TXLNG: variants seen among roughly 807,000 people sequenced by gnomAD.
The protein encoded by TXLNG is gamma-taxilin.
Under a neutral mutation model 38.8 loss-of-function variants are expected in TXLNG, and 5 were observed. The observed-to-expected ratio is 0.13, with a 90% CI of 0.07 to 0.27. The LOEUF (loss-of-function observed/expected upper bound fraction) is 0.27. Among genes scored for constraint, TXLNG ranks in the 10% least tolerant of loss-of-function variants. TXLNG has a pLI of 1.00. For missense variants in TXLNG, 393 were observed against 398.2 expected (o/e 0.99, Z 0.11); for synonymous variants, 182 against 158.2 (o/e 1.15, Z -1.13).
At chrX:16,797,519 A>G (rs972781497) in intron 1 of TXLNG, among the ~76,000 whole-genome samples, 1 of 111,990 alleles carries the variant, frequency 8.9e-6, no homozygotes, top group African/African-American at 3.2e-5. Context: ...GCAGGATTCA[A>G]TTCCTCGTGG....
chrX:16,786,817 A>C (rs1602349579), intron 1 of TXLNG, among the ~76,000 whole-genome samples: 1 of 92,663 alleles, frequency 1.1e-5, no homozygotes, highest in Non-Finnish European at 2.1e-5. Context: ...GCGGCGGGGA[A>C]GCCGGGAGGG....
In TXLNG at chrX:16,829,908, C is replaced by T. The variant is rs774819468; in HGVS notation, c.864+138C>T. ...TGGCAGTCGGTTATTTATTAGGAAACGATCAGGCACCACAAATGAGATCAT... is the reference window on the plus strand; with the variant it reads ...TGGCAGTCGGTTATTTATTAGGAAATGATCAGGCACCACAAATGAGATCAT... On this transcript the variant is annotated intron_variant, in intron 5 of 9. Transcript: ENST00000380122. The T allele has an allele frequency of 5.7e-5, 31 of 542,159 alleles. No individual in the cohort carries two copies. In the South Asian group the frequency reaches 7.7e-4, roughly 14 times the overall value. 44.7% of individuals were successfully genotyped at this position (542,159 alleles called of 1,213,427 possible).
At chrX:16,838,438 C>T (rs1929679984) in intron 8 of TXLNG, among the ~76,000 whole-genome samples, 2 of 111,817 alleles carry the variant, frequency 1.8e-5, no homozygotes, top group Middle Eastern at 4.6e-3. Flanking sequence ...AGACCGTGCG[C>T]CCTGGGTTAA....
rs772079454 is a variant in TXLNG at position 16,834,328 on chromosome X, A to G, written c.1030A>G (p.Lys344Glu). The change falls in exon 7 of 10, where the codon AAA (lysine) becomes GAA (glutamate). Residue 344 changes from lysine to glutamate, a missense_variant. Transcript: ENST00000380122. The stretch of plus-strand genomic sequence containing the variant: ...ATCGAGGCACAAATACGAACAAATG[A>G]AACAGCAAGAAGTACAACTAAAACA... Reference protein sequence around the residue: ...TESRHKYEQMKQQEVQLKQQL... With the variant: ...TESRHKYEQMEQQEVQLKQQL... 6 of 1,209,444 alleles carry G rather than the reference A, an allele frequency of 5.0e-6. No individual in the cohort carries two copies. The highest frequency in any genetic ancestry group is 2.2e-5 in the Admixed American group (1 of 45,783).
intron 1 of TXLNG, among the ~76,000 whole-genome samples, chrX:16,788,461 C>T (rs760393689): frequency 2.3e-4 from 26 of 111,312 alleles, no homozygotes; most frequent in Non-Finnish European, 3.8e-4. Context: ...CTGACAGTGA[C>T]GGCATTCAAA....
At chrX:16,817,776 G>A (rs1312148780) in intron 1 of TXLNG, among the ~76,000 whole-genome samples, 1 of 112,603 alleles carries the variant, frequency 8.9e-6, no homozygotes. Context: ...GGCAGGGATA[G>A]CTGCTTAAAA....
intron 8 of TXLNG, chrX:16,839,237 G>A (rs1434368727): frequency 1.8e-5 from 2 of 111,869 alleles, no homozygotes; most frequent in African/African-American, 6.5e-5. Flanking sequence ...GATGACCAAA[G>A]CTGAGGTATT....
At chrX:16,805,676 T>C (rs1181359700) in intron 1 of TXLNG, among the ~76,000 whole-genome samples, 14 of 112,319 alleles carry the variant, frequency 1.2e-4, no homozygotes, top group African/African-American at 3.6e-4. Flanking sequence ...TGGGTCTGTG[T>C]GGTCTGTTTT....
chrX:16,835,150 T>C (rs1929546834), intron 7 of TXLNG, among the ~76,000 whole-genome samples: 1 of 110,916 alleles, frequency 9.0e-6, no homozygotes, highest in Non-Finnish European at 1.9e-5. Flanking sequence ...TTTCTACCTA[T>C]ACATTCATCC....
intron 1 of TXLNG, among the ~76,000 whole-genome samples, chrX:16,806,714 A>G (rs1202732464): frequency 9.0e-6 from 1 of 110,526 alleles, no homozygotes; most frequent in Non-Finnish European, 1.9e-5. Context: ...TCAGGAGATC[A>G]AGACGATCCT....
At chrX:16,831,461 TA>T (rs1929409802) in intron 5 of TXLNG, among the ~76,000 whole-genome samples, 1 of 112,806 alleles carries the variant, frequency 8.9e-6, no homozygotes, top group Non-Finnish European at 1.9e-5. Context: ...AGCTTCTTTT[TA>T]AAAGAGAAAT....
intron 9 of TXLNG, 69 bp downstream of exon 9, chrX:16,839,985 G>A (rs992341343): frequency 5.9e-5 from 50 of 845,162 alleles, no homozygotes; most frequent in Non-Finnish European, 7.7e-5. Context: ...GGTACCTATC[G>A]GGGCCGGGGA....
In TXLNG at chrX:16,829,597, C is replaced by G. The variant is rs141245275; in HGVS notation, c.691C>G (p.Arg231Gly). 1 of 1,208,811 alleles carries G rather than the reference C, an allele frequency of 8.3e-7. No homozygotes were observed. Among genetic ancestry groups the G allele is most frequent in the African/African-American group, 1.8e-5 (1 of 56,962 alleles). ...TLKEENMQQA[R>G]EEEERRKEAT... The stretch of plus-strand genomic sequence containing the variant: ...TAAGGAGGAAAATATGCAGCAGGCA[C>G]GAGAGGAAGAAGAACGACGTAAAGA... The change falls in exon 5 of 10, where the codon CGA becomes GGA. Residue 231 changes from arginine (R) to glycine (G), a missense_variant. Physicochemically the swap from Arg to Gly is moderately radical, Grantham distance 125. Coordinates refer to ENST00000380122, the MANE Select transcript of TXLNG (RefSeq NM_018360.3).
chrX:16,790,611 A>C (rs766066640), intron 1 of TXLNG, among the ~76,000 whole-genome samples: 3 of 112,132 alleles, frequency 2.7e-5, no homozygotes, highest in Non-Finnish European at 5.6e-5. Context: ...TTTAACTACT[A>C]TTAAACTAAT....
chrX:16,831,751 T>C (rs965399392), intron 5 of TXLNG, among the ~76,000 whole-genome samples: 1 of 112,147 alleles, frequency 8.9e-6, no homozygotes, highest in Non-Finnish European at 1.9e-5. Context: ...ATGTGTCTTA[T>C]GTTATGTTCT....
intron 9 of TXLNG, chrX:16,840,475 A>G (rs1275097525): frequency 4.0e-6 from 3 of 753,091 alleles, no homozygotes; most frequent in African/African-American, 2.3e-5. Flanking sequence ...GCACATGTGT[A>G]CAAGAACCTT....
At position 16,827,361 on chromosome X, in the gene TXLNG, T is replaced by C. The variant is rs1221773476; in HGVS notation, c.499-733T>C. Among the ~76,000 whole-genome samples the C allele has an allele frequency of 2.7e-5, 3 of 111,806 alleles. No individual in the cohort carries two copies. In the East Asian group the frequency reaches 8.4e-4, roughly 31 times the overall value. ...CAGCAATTCGGGACATGCCTGGCTT[T>C]AGCACTGAGTCACTCCTGGCCTTCA... On this transcript the variant is annotated intron_variant, in intron 3 of 9. Coordinates refer to ENST00000380122, the MANE Select transcript of TXLNG (RefSeq NM_018360.3).
chrX:16,822,113 T>C (rs1465601763), intron 3 of TXLNG, among the ~76,000 whole-genome samples: 16 of 106,503 alleles, frequency 1.5e-4, no homozygotes, highest in African/African-American at 3.4e-4. Context: ...CCGAGGTGGG[T>C]GGATCACGAG....
chrX:16,790,044 C>T (rs1393996453), intron 1 of TXLNG, among the ~76,000 whole-genome samples: 2 of 110,621 alleles, frequency 1.8e-5, no homozygotes, highest in Non-Finnish European at 3.8e-5. Context: ...GTGATCTGCC[C>T]GCCTCGGCCT....
Sources: allele counts gnomAD v4.1 joint callset (sites outside exome capture counted in the v4.1 genomes callset), GRCh38; gene constraint gnomAD v4.1.1; transcripts MANE v1.5; gene names NCBI Gene and HGNC (gene_info 2026-07-23, HGNC 2026-07-21).